PRR12: variants seen among roughly 807,000 people sequenced by gnomAD.
The protein encoded by PRR12 is proline rich 12.
In PRR12, 12 loss-of-function variants were observed where a neutral mutation model predicts 138.0. That is an observed-to-expected ratio of 0.09 (90% CI 0.06 to 0.14). The LOEUF is 0.14. PRR12 is among the 10% of genes least tolerant of loss of function. PRR12 has a pLI of 1.00. For synonymous variants in PRR12, 1,567 were observed against 1,291.7 expected, an observed-to-expected ratio of 1.21 and a Z score of -4.57; for missense variants, 2,692 against 2,861.3, an observed-to-expected ratio of 0.94 and a Z score of 1.35.
chr19:49,591,550 A>G lies in PRR12; in HGVS notation c.-105A>G, dbSNP rs531172634. On this transcript the variant is annotated 5_prime_UTR_variant, in exon 1 of 14. Transcript: ENST00000418929. ...AAAAAAGAGAGAGAGAAAAGGGGGG[A>G]AAAAAAAGCAGCAGCGGAGGGAGCG... The G allele has an allele frequency of 7.4e-3, 2,833 of 381,000 alleles. 16 individuals carry two copies. Among genetic ancestry groups the G allele is most frequent in the Non-Finnish European group, 8.5e-3 (2,208 of 260,340 alleles). The allele number at this position is 381,000 out of a possible 1,614,324, so 23.6% of individuals were successfully genotyped here. A position where few individuals can be genotyped will look rare whatever the true frequency, so the allele number is the denominator to read the frequency against.
chr19:49,593,404 C>G lies in PRR12; in HGVS notation c.164C>G (p.Pro55Arg), dbSNP rs747084647. 1.2e-6 allele frequency: 2 copies of G among 1,610,974 alleles called. No homozygotes were observed. Among genetic ancestry groups the G allele is most frequent in the Non-Finnish European group, 1.7e-6 (2 of 1,178,284 alleles). ...CGCCAGGCCTATGCGGCCCCCCACC[C>G]ACTGCAAAGCTATGCCACCAACCAC... ...LHRQAYAAPH[P>R]LQSYATNHHP... Residue 55 changes from proline to arginine, a missense_variant, in exon 2 of 14, where the codon CCA becomes CGA. By Grantham distance (103) the Pro-to-Arg change is moderately radical (BLOSUM62 -2). Coordinates refer to ENST00000418929, the MANE Select transcript of PRR12 (RefSeq NM_020719.3).
Position 49,625,663 on chromosome 19 carries a change from A to G in PRR12, c.*56A>G. ...CTCCATGAACCGAGAATTGGGACAGAACCGTGTCCTCAGGAGCTAACACCT... is the reference window on the plus strand; with the variant it reads ...CTCCATGAACCGAGAATTGGGACAGGACCGTGTCCTCAGGAGCTAACACCT... On this transcript the variant is annotated 3_prime_UTR_variant, in exon 14 of 14. Transcript: ENST00000418929. This position sits in a 1 kb window ranked among gnomAD's most constrained non-coding sequence, Gnocchi z 5.5. 7 of 1,539,580 alleles carry G rather than the reference A, an allele frequency of 4.5e-6. No homozygotes were observed. Among genetic ancestry groups the G allele is most frequent in the Non-Finnish European group, 6.1e-6 (7 of 1,144,160 alleles).
At position 49,599,974 on chromosome 19, in the gene PRR12, A is replaced by G; in HGVS notation, c.4345+36A>G. ...GGCAGGTGGTCTGGGAGTAGAGCTTAAAGGTTATTATGATCACTAGGTAAC... is the reference window on the plus strand; with the variant it reads ...GGCAGGTGGTCTGGGAGTAGAGCTTGAAGGTTATTATGATCACTAGGTAAC... On this transcript the variant is annotated intron_variant, in intron 5 of 13. Coordinates refer to ENST00000418929, the MANE Select transcript of PRR12 (RefSeq NM_020719.3). This position sits in a 1 kb window ranked among gnomAD's most constrained non-coding sequence, Gnocchi z 5.0. 2 of 1,530,362 alleles carry G rather than the reference A, an allele frequency of 1.3e-6. No individual in the cohort carries two copies. The highest frequency in any genetic ancestry group is 1.2e-5 in the South Asian group (1 of 80,282). 94.8% of individuals were successfully genotyped at this position (1,530,362 alleles called of 1,614,324 possible).
Position 49,593,315 on chromosome 19 carries a change from CT to C in PRR12, c.87-9del. ...TTGGAAGAACCCCCTGACGTCTCCC[CT>C]TTCCCCCCAGCTTGGTTTATGGCAG... is the stretch of plus-strand genomic sequence containing the variant. On this transcript the variant is annotated splice_polypyrimidine_tract_variant and intron_variant, in intron 1 of 13. Coordinates refer to ENST00000418929, the MANE Select transcript of PRR12 (RefSeq NM_020719.3). 1 of 1,493,524 alleles carries C rather than the reference CT, an allele frequency of 6.7e-7. No individual in the cohort carries two copies. The highest frequency in any genetic ancestry group is 9.3e-7 in the Non-Finnish European group (1 of 1,076,392). 92.5% of individuals were successfully genotyped at this position (1,493,524 alleles called of 1,614,324 possible).
chr19:49,605,562 A>T (rs1234695544), intron 6 of PRR12, among the ~76,000 whole-genome samples: 1 of 152,196 alleles, frequency 6.6e-6, no homozygotes, highest in East Asian at 1.9e-4. Context: ...GCGCCCAGCC[A>T]GGAACCCATA....
rs2080765445 is a variant in PRR12, at chr19:49,595,986, A to G, written c.1651A>G (p.Ser551Gly). The G allele has an allele frequency of 2.5e-6, 4 of 1,600,740 alleles. No homozygotes were observed. Among genetic ancestry groups the G allele is most frequent in the Non-Finnish European group, 3.4e-6 (4 of 1,179,654 alleles). Residue 551 changes from serine (S) to glycine (G), a missense_variant, in exon 4 of 14, where the codon AGC becomes GGC. Transcript: ENST00000418929. ...LSGHGGGWGP[S>G]SLGGGGEASP... ...GGGCCATGGGGGTGGCTGGGGACCCAGCTCCCTGGGAGGCGGCGGTGAGGC... is the reference window on the plus strand; with the variant it reads ...GGGCCATGGGGGTGGCTGGGGACCCGGCTCCCTGGGAGGCGGCGGTGAGGC...
At chr19:49,600,088 C>T in intron 5 of PRR12, 150 bp downstream of exon 5, 1 of 989,376 alleles carries the variant, frequency 1.0e-6, no homozygotes, top group Non-Finnish European at 1.4e-6. Context: ...CCTGATTACA[C>T]AAGCATTTTG....
Position 49,591,230 on chromosome 19 carries a change from G to C in PRR12, c.-425G>C, listed in dbSNP as rs1479872598. The stretch of plus-strand genomic sequence containing the variant: ...CAAAGATGGCTGCACCGTGAGCGCA[G>C]AGGAGGAGGAGGCGGCGGCGGCGGC... On this transcript the variant is annotated 5_prime_UTR_variant, in exon 1 of 14. Coordinates refer to ENST00000418929, the MANE Select transcript of PRR12 (RefSeq NM_020719.3). 1.5e-5 allele frequency among the ~76,000 whole-genome samples: 2 copies of C among 133,706 alleles called. No homozygotes were observed. Among genetic ancestry groups the C allele is most frequent in the African/African-American group, 5.5e-5 (2 of 36,378 alleles). 87.7% of individuals were successfully genotyped at this position (133,706 alleles called of 152,430 possible).
rs2080775872 is a variant in PRR12, at chr19:49,597,005, G to T, written c.2670G>T (p.Leu890=). The T allele has an allele frequency of 2.6e-6, 4 of 1,557,330 alleles. No individual in the cohort carries two copies. The highest frequency in any genetic ancestry group is 3.5e-6 in the Non-Finnish European group (4 of 1,153,824). The change falls in exon 4 of 14, where the codon CTG becomes CTT. Residue 890 remains leucine (L), a synonymous_variant. Transcript: ENST00000418929. The surrounding 1 kb of genome is among the most constrained non-coding windows in gnomAD (Gnocchi z 6.3). ...MQELLGALEP[L]PPAPGDTGVG... ...AATTGCTCGGGGCTCTGGAGCCGCT[G>T]CCCCCGGCGCCTGGGGATACTGGCG...
rs373796978 is a variant in PRR12, at chr19:49,599,249, C to T, written c.3679-23C>T. On this transcript the variant is annotated intron_variant, in intron 4 of 13. Coordinates refer to ENST00000418929, the MANE Select transcript of PRR12 (RefSeq NM_020719.3). This position sits in a 1 kb window ranked among gnomAD's most constrained non-coding sequence, Gnocchi z 5.0. ...GGGGGCCCAGGCTACTGGGCCCTCA[C>T]GGCCCGCCACTCCCATGTCTAGATC... 1.1e-4 allele frequency: 162 copies of T among 1,537,308 alleles called. No individual in the cohort carries two copies. The highest frequency in any genetic ancestry group is 1.9e-4 in the Middle Eastern group (1 of 5,246).
At chr19:49,618,908 C>T (rs1045319225) in intron 9 of PRR12, among the ~76,000 whole-genome samples, 1 of 151,950 alleles carries the variant, frequency 6.6e-6, no homozygotes, top group Non-Finnish European at 1.5e-5. Flanking sequence ...GATCTTTCTA[C>T]GCTTACACTC....
intron 6 of PRR12, among the ~76,000 whole-genome samples, chr19:49,613,202 G>A (rs1376631303): frequency 6.6e-6 from 1 of 151,634 alleles, no homozygotes. Flanking sequence ...GCCTGGTATC[G>A]TAGGTGCCTA....
chr19:49,620,286 T>C (rs1416940240), intron 9 of PRR12, 66 bp from the exon 10 acceptor site: 2 of 1,596,596 alleles, frequency 1.3e-6, no homozygotes, highest in African/African-American at 1.3e-5. Flanking sequence ...TTGAGAACAG[T>C]GTCTGCCACA....
At chr19:49,613,233 G>A (rs541557850) in intron 6 of PRR12, among the ~76,000 whole-genome samples, 3 of 151,074 alleles carry the variant, frequency 2.0e-5, no homozygotes, top group Non-Finnish European at 4.4e-5. Flanking sequence ...TACTAAGGAG[G>A]CTGAGGCAGG....
At chr19:49,602,329 A>G (rs962937076) in intron 6 of PRR12, among the ~76,000 whole-genome samples, 1 of 152,126 alleles carries the variant, frequency 6.6e-6, no homozygotes, top group African/African-American at 2.4e-5. Flanking sequence ...CTGCTTTGCC[A>G]TTTATGGCAC....
chr19:49,607,734 G>A (rs2080846144), intron 6 of PRR12, among the ~76,000 whole-genome samples: 1 of 148,376 alleles, frequency 6.7e-6, no homozygotes, highest in East Asian at 2.0e-4. Flanking sequence ...AAGAAAAGCT[G>A]TTGGCCAAGC....
chr19:49,592,496 C>T (rs1209316701), intron 1 of PRR12, among the ~76,000 whole-genome samples: 2 of 152,128 alleles, frequency 1.3e-5, no homozygotes, highest in Non-Finnish European at 2.9e-5. Context: ...GCGTGTTCAC[C>T]TGTGAATCTG....
rs34027784 is a variant in PRR12, at chr19:49,619,224, G to GTTTT, written c.5498-1106_5498-1103dup. Among the ~76,000 whole-genome samples the GTTTT allele has an allele frequency of 3.3e-3, 265 of 79,780 alleles. 10 individuals are homozygous for GTTTT. The highest frequency in any genetic ancestry group is 8.2e-3 in the African/African-American group (152 of 18,620). 52.3% of individuals were successfully genotyped at this position (79,780 alleles called of 152,430 possible). A position where few individuals can be genotyped will look rare whatever the true frequency, so the allele number is the denominator to read the frequency against. ...AGGGTGAGTCTGATGCCTCCTGTGA[G>GTTTT]TTTTTTTTTTTTTTTTTTTTTTTTT... On this transcript the variant is annotated intron_variant, in intron 9 of 13. Coordinates refer to ENST00000418929, the MANE Select transcript of PRR12 (RefSeq NM_020719.3).
Position 49,597,937 on chromosome 19 carries a change from G to C in PRR12, c.3602G>C (p.Arg1201Pro). ...STPTDGAKKP[R>P]GRGRGRGRKA... ...CCCACCGATGGCGCCAAGAAACCCC[G>C]GGGCCGGGGCCGAGGCCGGGGTCGA... is the stretch of plus-strand genomic sequence containing the variant. The change falls in exon 4 of 14, where the codon CGG (arginine) becomes CCG (proline). Residue 1201 changes from arginine (R) to proline (P), a missense_variant. By Grantham distance (103) the Arg-to-Pro change is moderately radical. Coordinates refer to ENST00000418929, the MANE Select transcript of PRR12 (RefSeq NM_020719.3). The surrounding 1 kb of genome is among the most constrained non-coding windows in gnomAD (Gnocchi z 6.3). 7.1e-7 allele frequency: 1 copy of C among 1,403,574 alleles called. No homozygotes were observed. Among genetic ancestry groups the C allele is most frequent in the African/African-American group, 1.5e-5 (1 of 65,696 alleles). The allele number at this position is 1,403,574 out of a possible 1,614,324, so 86.9% of individuals were successfully genotyped here.
Sources: allele counts gnomAD v4.1 joint callset (sites outside exome capture counted in the v4.1 genomes callset), GRCh38; gene constraint gnomAD v4.1.1; non-coding constraint Gnocchi (gnomAD v3.1); transcripts MANE v1.5; gene names NCBI Gene and HGNC (gene_info 2026-07-23, HGNC 2026-07-21).